Variants in SVOPL observed in about 807,000 individuals in gnomAD.
SVOPL encodes the protein putative transporter SVOPL.
Under a neutral mutation model 61.0 loss-of-function variants are expected in SVOPL, and 60 were observed. The ratio of observed to expected loss-of-function variants is 0.98; its 90% CI spans 0.80 to 1.22. The LOEUF (loss-of-function observed/expected upper bound fraction) is 1.22, where lower values mean the gene tolerates loss of function less well. Among genes scored for constraint, SVOPL ranks in the 50% most tolerant of loss-of-function variants. The pLI, the probability that SVOPL is intolerant of heterozygous loss-of-function variation, is 0.00. For missense variants in SVOPL, 662 were observed against 643.9 expected (o/e 1.03, Z -0.30); for synonymous variants, 279 against 250.0 (o/e 1.12, Z -1.09).
At chr7:138,601,711 A>T (rs1798533213) in intron 14 of SVOPL, among the ~76,000 whole-genome samples, 1 of 151,710 alleles carries the variant, frequency 6.6e-6, no homozygotes, top group Non-Finnish European at 1.5e-5. Flanking sequence ...ATTTGATAAG[A>T]TTGGTCATCC....
At chr7:138,597,641 C>CGTGTGTGTGTGTGTGT (rs60875635) in intron 14 of SVOPL, among the ~76,000 whole-genome samples, 441 of 147,606 alleles carry the variant, frequency 3.0e-3, no homozygotes, top group East Asian at 7.9e-3. Flanking sequence ...ATAACGTCTG[C>CGTGTGTGTGTGTGTGT]GTGTGTGTGT....
At chr7:138,689,074 C>A in intron 1 of SVOPL, 1 of 735,242 alleles carries the variant, frequency 1.4e-6, no homozygotes. Flanking sequence ...ACTCATGACA[C>A]TTCCCAGGTC....
intron 14 of SVOPL, among the ~76,000 whole-genome samples, chr7:138,602,031 G>A (rs1369255735): frequency 6.6e-6 from 1 of 152,182 alleles, no homozygotes. Flanking sequence ...CTCAATAACT[G>A]TATGTTAAAT....
At chr7:138,676,193 G>A (rs1802555623) in intron 3 of SVOPL, among the ~76,000 whole-genome samples, 1 of 152,214 alleles carries the variant, frequency 6.6e-6, no homozygotes, top group Non-Finnish European at 1.5e-5. Context: ...GAGTAGTGGT[G>A]TGGGTTCACA....
At chr7:138,670,108 A>G (rs1802378981) in intron 4 of SVOPL, among the ~76,000 whole-genome samples, 3 of 152,210 alleles carry the variant, frequency 2.0e-5, no homozygotes, top group Non-Finnish European at 2.9e-5. Context: ...AAATTATGAC[A>G]GTGAAAGAGA....
intron 4 of SVOPL, among the ~76,000 whole-genome samples, chr7:138,667,547 C>A (rs559116941): frequency 6.6e-5 from 10 of 152,260 alleles, no homozygotes; most frequent in Non-Finnish European, 1.2e-4. Flanking sequence ...TTCCAATGTT[C>A]ACCTCATTTT....
chr7:138,658,437 A>C (rs1396133739), intron 6 of SVOPL, among the ~76,000 whole-genome samples: 1 of 151,350 alleles, frequency 6.6e-6, no homozygotes, highest in Non-Finnish European at 1.5e-5. Flanking sequence ...TGACTTCAAA[A>C]ATTTTTGTTT....
intron 13 of SVOPL, among the ~76,000 whole-genome samples, chr7:138,624,294 T>C (rs1009799388): frequency 3.6e-4 from 55 of 152,242 alleles, no homozygotes; most frequent in African/African-American, 1.3e-3. Flanking sequence ...AATTCTTTTA[T>C]TTTGGCTTCT....
At chr7:138,621,433 G>A (rs1403467105) in intron 13 of SVOPL, among the ~76,000 whole-genome samples, 1 of 152,230 alleles carries the variant, frequency 6.6e-6, no homozygotes, top group Non-Finnish European at 1.5e-5. Context: ...AGAGAGAAGA[G>A]TGCCACTTCA....
At chr7:138,652,489 T>C (rs960197414) in intron 7 of SVOPL, among the ~76,000 whole-genome samples, 4 of 152,000 alleles carry the variant, frequency 2.6e-5, no homozygotes, top group African/African-American at 9.7e-5. Context: ...CCCAGCCACA[T>C]CTCTTATTTA....
At chr7:138,670,740 T>C (rs1802393560) in intron 4 of SVOPL, among the ~76,000 whole-genome samples, 1 of 152,184 alleles carries the variant, frequency 6.6e-6, no homozygotes, top group African/African-American at 2.4e-5. Context: ...CTCCACTTGA[T>C]AAGTTGGCTC....
chr7:138,644,630 GT>G, intron 9 of SVOPL, 86 bp downstream of exon 9: 2 of 1,530,702 alleles, frequency 1.3e-6, no homozygotes, highest in Non-Finnish European at 8.8e-7. Flanking sequence ...GAGAACAAGG[GT>G]CCCCCCTCCC....
Position 138,625,964 on chromosome 7 carries a change from C to T in SVOPL, c.1263+5G>A, listed in dbSNP as rs1490626673. ...TTTGTAAGCAAGCCTTGCATGAAAA[C>T]TCACCTCAGCTGTGTAAATGTAGAC... On this transcript the variant is annotated splice_donor_5th_base_variant and intron_variant, in intron 13 of 15. Transcript: ENST00000674285. 1 of 1,613,836 alleles carries T rather than the reference C, an allele frequency of 6.2e-7. No homozygotes were observed. Among genetic ancestry groups the T allele is most frequent in the South Asian group, 1.1e-5 (1 of 90,998 alleles).
chr7:138,618,965 A>G (rs968767581), intron 14 of SVOPL, among the ~76,000 whole-genome samples: 2 of 152,164 alleles, frequency 1.3e-5, no homozygotes, highest in Non-Finnish European at 2.9e-5. Flanking sequence ...TCTTTCCTAA[A>G]CCACAAACCC....
At chr7:138,692,488 C>A (rs1028229006) in intron 1 of SVOPL, among the ~76,000 whole-genome samples, 8 of 152,096 alleles carry the variant, frequency 5.3e-5, no homozygotes, top group Non-Finnish European at 1.2e-4. Flanking sequence ...ATTACAGTTT[C>A]AGATTGCCAT....
Position 138,630,060 on chromosome 7 carries a change from G to T in SVOPL, c.852C>A (p.Ile284=), listed in dbSNP as rs1800102509. The change falls in exon 10 of 16, where the codon ATC becomes ATA. Residue 284 remains isoleucine, a synonymous_variant. Transcript: ENST00000674285. ...CATTACACTCTTACCATATGACCCA[G>T]ATCTGTAATGTGGTCCGTAAATATT... is the stretch of plus-strand genomic sequence containing the variant. ...DAKYLRTTLQ[I]WVIWLGISFA... is the part of the protein sequence containing the mutation. 2 of 1,613,366 alleles carry T rather than the reference G, an allele frequency of 1.2e-6. No homozygotes were observed. Among genetic ancestry groups the T allele is most frequent in the East Asian group, 2.2e-5 (1 of 44,864 alleles).
chr7:138,622,146 CTATG>C (rs1563096389), intron 13 of SVOPL, among the ~76,000 whole-genome samples: 25 of 76,210 alleles, frequency 3.3e-4, no homozygotes, highest in South Asian at 4.2e-4. Context: ...ATGTATCTAT[CTATG>C]TATCTATCTG....
chr7:138,664,223 T>G, intron 4 of SVOPL: 8 of 869,876 alleles, frequency 9.2e-6, no homozygotes, highest in Non-Finnish European at 1.1e-5. Context: ...GAAGACGTCC[T>G]GCCTCCCTCG....
chr7:138,621,328 A>T (rs1427194469), intron 13 of SVOPL, among the ~76,000 whole-genome samples, 193 bp from the exon 14 acceptor site: 1 of 152,250 alleles, frequency 6.6e-6, no homozygotes, highest in Admixed American at 6.5e-5. Context: ...AGCGAAAAAT[A>T]AACACTTCAA....
Sources: allele counts gnomAD v4.1 joint callset (sites outside exome capture counted in the v4.1 genomes callset), GRCh38; gene constraint gnomAD v4.1.1; transcripts MANE v1.5; gene names NCBI Gene and HGNC (gene_info 2026-07-23, HGNC 2026-07-21).